The following SUGCT variants were observed in gnomAD, a reference collection of about 807,000 sequenced individuals.
SUGCT encodes the protein succinyl-CoA:glutarate CoA-transferase.
In SUGCT, 41 loss-of-function variants were observed where a neutral mutation model predicts 55.0. The observed-to-expected ratio is 0.74, with a 90% CI of 0.58 to 0.97. The LOEUF (loss-of-function observed/expected upper bound fraction) is 0.97. Ranked by LOEUF, SUGCT falls within the 50% of genes least tolerant of loss-of-function variation. The pLI is 0.00. For missense variants in SUGCT, 568 were observed against 547.8 expected (o/e 1.04, Z -0.37); for synonymous variants, 187 against 200.4 (o/e 0.93, Z 0.56).
chr7:40,304,147 A>C (rs1181296789), intron 8 of SUGCT, among the ~76,000 whole-genome samples: 2 of 152,108 alleles, frequency 1.3e-5, no homozygotes, highest in Non-Finnish European at 2.9e-5. Context: ...AAATGTGACA[A>C]ATAGAGAATT....
chr7:40,638,940 C>G (rs111250390), intron 12 of SUGCT, among the ~76,000 whole-genome samples: 1 of 152,194 alleles, frequency 6.6e-6, no homozygotes, highest in African/African-American at 2.4e-5. Flanking sequence ...ATTATTCTAC[C>G]TGGCCCTGCT....
intron 9 of SUGCT, among the ~76,000 whole-genome samples, chr7:40,374,062 A>G (rs1324946988): frequency 1.3e-5 from 2 of 152,170 alleles, no homozygotes; most frequent in Non-Finnish European, 2.9e-5. Flanking sequence ...ACTGAGTTAC[A>G]TGGCACCTTA....
chr7:40,385,822 C>T (rs553655323), intron 9 of SUGCT, among the ~76,000 whole-genome samples: 10 of 152,144 alleles, frequency 6.6e-5, no homozygotes, highest in Admixed American at 2.6e-4. Flanking sequence ...TTTAAGGTGA[C>T]GTGTGGACGT....
chr7:40,334,426 A>T (rs1306667373), intron 9 of SUGCT, among the ~76,000 whole-genome samples: 2 of 152,082 alleles, frequency 1.3e-5, no homozygotes, highest in African/African-American at 4.8e-5. Context: ...GTTTCCTGAC[A>T]TTTTAATGAT....
chr7:40,739,222 A>G (rs547270183), intron 12 of SUGCT, among the ~76,000 whole-genome samples: 31 of 152,254 alleles, frequency 2.0e-4, no homozygotes, highest in South Asian at 4.1e-4. Flanking sequence ...CTGCCCTTTT[A>G]TAGCCACATG....
intron 12 of SUGCT, among the ~76,000 whole-genome samples, chr7:40,623,043 C>T (rs374438144): frequency 2.9e-4 from 44 of 152,130 alleles, no homozygotes; most frequent in Non-Finnish European, 5.7e-4. Flanking sequence ...TGACCTTGGG[C>T]GATTCATTTG....
chr7:40,655,605 A>G (rs1800980043), intron 12 of SUGCT, among the ~76,000 whole-genome samples: 1 of 152,208 alleles, frequency 6.6e-6, no homozygotes, highest in Non-Finnish European at 1.5e-5. Flanking sequence ...GATATTCTTT[A>G]ATGCCAGGGA....
At chr7:40,611,498 T>C (rs1473717187) in intron 12 of SUGCT, among the ~76,000 whole-genome samples, 1 of 152,222 alleles carries the variant, frequency 6.6e-6, no homozygotes, top group African/African-American at 2.4e-5. Context: ...TGGATCTTCA[T>C]GTGGAGTGTT....
chr7:40,843,481 G>T (rs1356650108), intron 13 of SUGCT, among the ~76,000 whole-genome samples: 1 of 144,978 alleles, frequency 6.9e-6, no homozygotes, highest in African/African-American at 2.5e-5. Context: ...CTGCACTCCA[G>T]CCTAGCAACA....
chr7:40,428,841 G>T (rs1329577915), intron 9 of SUGCT, among the ~76,000 whole-genome samples: 1 of 152,104 alleles, frequency 6.6e-6, no homozygotes, highest in Non-Finnish European at 1.5e-5. Context: ...CTTTCACACT[G>T]TTTCATATTG....
At chr7:40,935,703 G>A in the SUGCT span, among the ~76,000 whole-genome samples, 1 of 152,086 alleles carries the variant, frequency 6.6e-6, no homozygotes, top group Admixed American at 6.6e-5. Context: ...ACTGCTATTT[G>A]CAGTCATGTA....
chr7:40,185,668 A>G (rs772913425), intron 3 of SUGCT, among the ~76,000 whole-genome samples: 3 of 152,136 alleles, frequency 2.0e-5, no homozygotes, highest in Non-Finnish European at 2.9e-5. Flanking sequence ...GATTACAGGC[A>G]TATGCCATCA....
chr7:40,266,181 TTTCC>T (rs1791560801), intron 7 of SUGCT, among the ~76,000 whole-genome samples: 1 of 59,728 alleles, frequency 1.7e-5, no homozygotes. Flanking sequence ...TTTTCTTTCC[TTTCC>T]TTTTTTTTTT....
chr7:40,183,054 C>T (rs1474436541), intron 3 of SUGCT, among the ~76,000 whole-genome samples: 1 of 152,228 alleles, frequency 6.6e-6, no homozygotes, highest in African/African-American at 2.4e-5. Context: ...AGGCGGATCA[C>T]CTGAATTCGG....
intron 6 of SUGCT, among the ~76,000 whole-genome samples, chr7:40,202,471 A>G (rs1178204230): frequency 6.6e-6 from 1 of 152,122 alleles, no homozygotes; most frequent in Admixed American, 6.5e-5. Context: ...ACATGCATGC[A>G]TGTGTCTGCA....
At chr7:40,441,514 C>A (rs796683624) in intron 9 of SUGCT, among the ~76,000 whole-genome samples, 17 of 152,134 alleles carry the variant, frequency 1.1e-4, no homozygotes, top group African/African-American at 4.1e-4. Flanking sequence ...AATGTTGAAG[C>A]AAATTTTGAA....
chr7:40,542,322 A>T (rs1794735431), intron 12 of SUGCT, among the ~76,000 whole-genome samples: 1 of 152,194 alleles, frequency 6.6e-6, no homozygotes, highest in South Asian at 2.1e-4. Context: ...TTTCAGCCAC[A>T]GGTCCTGCAA....
At chr7:40,985,066 C>T in the SUGCT span, among the ~76,000 whole-genome samples, 2 of 152,138 alleles carry the variant, frequency 1.3e-5, no homozygotes, top group Admixed American at 1.3e-4. Flanking sequence ...CAAGTAATAA[C>T]CCTTGATGTT....
At chr7:40,283,513 G>C (rs1314521750) in intron 8 of SUGCT, among the ~76,000 whole-genome samples, 1 of 152,128 alleles carries the variant, frequency 6.6e-6, no homozygotes, top group Non-Finnish European at 1.5e-5. Context: ...ACATGCATGA[G>C]CCACCGCGCC....
Sources: allele counts gnomAD v4.1 joint callset (sites outside exome capture counted in the v4.1 genomes callset), GRCh38; gene constraint gnomAD v4.1.1; transcripts MANE v1.5; gene names NCBI Gene and HGNC (gene_info 2026-07-23, HGNC 2026-07-21).